Variants in MFSD11 observed in about 807,000 individuals in gnomAD.
The protein encoded by MFSD11 is major facilitator superfamily domain containing 11, also known as UNC93-like protein MFSD11.
MFSD11 carries 36 observed loss-of-function variants against 53.5 expected under a neutral mutation model. The observed-to-expected ratio is 0.67, with a 90% CI of 0.52 to 0.89. MFSD11 has a LOEUF of 0.89. Among genes scored for constraint, MFSD11 ranks in the 40% least tolerant of loss-of-function variants. MFSD11 has a pLI of 0.00. For synonymous variants in MFSD11, 186 were observed against 184.9 expected (o/e 1.01, Z -0.05); for missense variants, 530 against 543.9 (o/e 0.97, Z 0.25).
At chr17:76,803,561 T>A in the MFSD11 span, among the ~76,000 whole-genome samples, 11 of 152,250 alleles carry the variant, frequency 7.2e-5, no homozygotes, top group South Asian at 2.1e-3. Context: ...ACTCGATGGA[T>A]CATCTGGCAC....
intron 10 of MFSD11, among the ~76,000 whole-genome samples, chr17:76,770,847 C>T (rs1368811873): frequency 6.6e-6 from 1 of 152,170 alleles, no homozygotes; most frequent in African/African-American, 2.4e-5. Context: ...ATTTTGGGCT[C>T]ACCACTCCAG....
intron 10 of MFSD11, among the ~76,000 whole-genome samples, chr17:76,770,284 C>T (rs934091977): frequency 2.6e-5 from 4 of 152,064 alleles, no homozygotes; most frequent in African/African-American, 9.7e-5. Context: ...ATGATCCGCC[C>T]ACCTCGGCCT....
chr17:76,800,413 A>T, the MFSD11 span, among the ~76,000 whole-genome samples: 10 of 152,154 alleles, frequency 6.6e-5, no homozygotes, highest in Non-Finnish European at 1.5e-5. Flanking sequence ...AGAGGGAAGC[A>T]TTGCCTCTGT....
At chr17:76,774,929 G>A in intron 10 of MFSD11, 68 bp from the exon 11 acceptor site, 2 of 1,495,382 alleles carry the variant, frequency 1.3e-6, no homozygotes, top group Non-Finnish European at 1.8e-6. Context: ...GCTCCTTGGT[G>A]GTAACTCAGG....
At chr17:76,760,886 G>A (rs891985174) in intron 8 of MFSD11, among the ~76,000 whole-genome samples, 13 of 151,996 alleles carry the variant, frequency 8.6e-5, no homozygotes, top group African/African-American at 2.7e-4. Flanking sequence ...TATTATGGGC[G>A]GGGGGACAGG....
At chr17:76,768,263 A>G (rs1257018167) in intron 9 of MFSD11, among the ~76,000 whole-genome samples, 2 of 150,656 alleles carry the variant, frequency 1.3e-5, no homozygotes, top group Non-Finnish European at 2.9e-5. Flanking sequence ...AGATGGCACC[A>G]CTATACTCCA....
chr17:76,754,349 T>C, intron 8 of MFSD11: 2 of 413,158 alleles, frequency 4.8e-6, no homozygotes, highest in Non-Finnish European at 8.7e-6. Flanking sequence ...AGGTTCTCCC[T>C]GAAGTTGAGA....
At chr17:76,759,336 GC>G (rs1209834549) in intron 8 of MFSD11, among the ~76,000 whole-genome samples, 7 of 151,862 alleles carry the variant, frequency 4.6e-5, no homozygotes, top group Admixed American at 4.6e-4. Context: ...AGGCTGGAGT[GC>G]AGTGGTTCTA....
At chr17:76,773,675 T>C (rs2081564702) in intron 10 of MFSD11, among the ~76,000 whole-genome samples, 1 of 152,224 alleles carries the variant, frequency 6.6e-6, no homozygotes, top group African/African-American at 2.4e-5. Context: ...TGGCGCAATC[T>C]TGGCTCATTG....
In MFSD11 at chr17:76,778,302, T is replaced by C; in HGVS notation, c.1300T>C (p.Trp434Arg). 6.2e-7 allele frequency: 1 copy of C among 1,614,218 alleles called. No homozygotes were observed. Among genetic ancestry groups the C allele is most frequent in the Non-Finnish European group, 8.5e-7 (1 of 1,180,042 alleles). Reference protein sequence around the residue: ...FGTISFFTVEWEAAAFVARGS... With the variant: ...FGTISFFTVEREAAAFVARGS... ...AACAATTTCTTTCTTCACTGTGGAA[T>C]GGGAAGCTGCCGCCTTTGTAGCCCG... The change falls in exon 13 of 13, where the codon TGG becomes CGG. Residue 434 changes from tryptophan to arginine, a missense_variant. By Grantham distance (101) the Trp-to-Arg change is moderately radical (BLOSUM62 -3). Transcript: ENST00000685175.
At chr17:76,752,154 C>T (rs937336292) in intron 7 of MFSD11, among the ~76,000 whole-genome samples, 1 of 152,162 alleles carries the variant, frequency 6.6e-6, no homozygotes, top group Non-Finnish European at 1.5e-5. Context: ...ATAGCTCAGG[C>T]GTGTTGTTGC....
downstream of MFSD11, among the ~76,000 whole-genome samples, chr17:76,784,652 T>C (rs569070390): frequency 2.0e-5 from 3 of 152,268 alleles, no homozygotes; most frequent in East Asian, 5.8e-4. Flanking sequence ...TCCAGCACTT[T>C]GGGAGGCTGA....
chr17:76,752,821 T>C (rs1457092588), intron 7 of MFSD11: 3 of 152,102 alleles, frequency 2.0e-5, no homozygotes, highest in African/African-American at 7.2e-5. Flanking sequence ...CTGAGGTAAA[T>C]ATTAGTACAG....
chr17:76,800,174 C>T, the MFSD11 span, among the ~76,000 whole-genome samples: 1 of 151,358 alleles, frequency 6.6e-6, no homozygotes, highest in African/African-American at 2.4e-5. Flanking sequence ...AGGCTGGTCT[C>T]GAACTCCTGG....
chr17:76,759,953 A>G (rs1354842178), intron 8 of MFSD11, among the ~76,000 whole-genome samples: 2 of 151,572 alleles, frequency 1.3e-5, no homozygotes, highest in Non-Finnish European at 2.9e-5. Flanking sequence ...AAAGTCAGCT[A>G]GAGAAAAGAA....
At chr17:76,743,237 T>G (rs2078257396) in intron 5 of MFSD11, among the ~76,000 whole-genome samples, 161 bp from the exon 6 acceptor site, 2 of 152,198 alleles carry the variant, frequency 1.3e-5, no homozygotes. Context: ...AGAGTCCAGA[T>G]GAAGCTGATA....
chr17:76,775,658 C>CA (rs1428783475), intron 11 of MFSD11, among the ~76,000 whole-genome samples: 1 of 152,050 alleles, frequency 6.6e-6, no homozygotes, highest in East Asian at 1.9e-4. Flanking sequence ...GAGCCCAGCC[C>CA]AAAAAACTAT....
chr17:76,796,987 G>A, the MFSD11 span, among the ~76,000 whole-genome samples: 2,763 of 152,028 alleles, frequency 0.018, 80 homozygotes, highest in African/African-American at 0.062. Context: ...GACCAACATG[G>A]TGGAAACTCA....
chr17:76,739,986 G>A (rs1008078967), intron 2 of MFSD11, among the ~76,000 whole-genome samples: 4 of 150,920 alleles, frequency 2.7e-5, no homozygotes, highest in African/African-American at 9.8e-5. Context: ...CTAACACGGT[G>A]AAACCCCGTC....
Sources: gnomAD v4.1 joint callset for allele counts (sites outside exome capture counted in the v4.1 genomes callset) on GRCh38, gnomAD v4.1.1 for gene constraint, MANE v1.5 for transcripts, NCBI Gene and HGNC (gene_info 2026-07-23, HGNC 2026-07-21) for gene names.